Variants in CALU observed in about 807,000 individuals in gnomAD.
The protein encoded by CALU is IEF SSP 9302.
CALU carries 13 observed loss-of-function variants against 37.5 expected under a neutral mutation model. The observed-to-expected ratio is 0.35, with a 90% CI of 0.23 to 0.55. CALU has a LOEUF of 0.55. Ranked by LOEUF, CALU falls within the 20% of genes least tolerant of loss-of-function variation. The pLI is 0.89. For missense variants in CALU, 282 were observed against 391.7 expected (o/e 0.72, Z 2.36); for synonymous variants, 114 against 133.8 (o/e 0.85, Z 1.02).
intron 5 of CALU, among the ~76,000 whole-genome samples, chr7:128,763,239 ATAGAAATTCGGCC>A (rs1801192939): frequency 6.6e-6 from 1 of 152,204 alleles, no homozygotes; most frequent in Non-Finnish European, 1.5e-5. Flanking sequence ...TCTTTTAAAA[ATAGAAATTCGGCC>A]GAGCATGGTG....
At chr7:128,757,343 C>T (rs935513237) in intron 3 of CALU, among the ~76,000 whole-genome samples, 1 of 146,716 alleles carries the variant, frequency 6.8e-6, no homozygotes, top group African/African-American at 2.6e-5. Context: ...TCCATCTCAA[C>T]CTATTATGGC....
intron 2 of CALU, among the ~76,000 whole-genome samples, chr7:128,753,188 A>C (rs2128879708): frequency 6.6e-6 from 1 of 152,348 alleles, no homozygotes; most frequent in South Asian, 2.1e-4. Context: ...TGTATTCATG[A>C]AATGAACACA....
chr7:128,772,625 T>C lies in CALU; in HGVS notation c.*3458T>C. 1 of 1,614,144 alleles carries C rather than the reference T, an allele frequency of 6.2e-7. No individual in the cohort carries two copies. Among genetic ancestry groups the C allele is most frequent in the African/African-American group, 1.3e-5 (1 of 75,030 alleles). ...TGTGTCGGATTCATCTGTCATGGCC[T>C]TCCCACACACCATCTTCATGATGCA... On this transcript the variant is annotated 3_prime_UTR_variant, in exon 7 of 7. Transcript: ENST00000249364.
In CALU at chr7:128,768,231, G is replaced by C. The variant is rs115483677; in HGVS notation, c.843+576G>C. On this transcript the variant is annotated intron_variant, in intron 6 of 6. Transcript: ENST00000249364. ...GGAGTAAGCTGAAAATCGGTCTAAAGATGGAGATTTTCAGTGTTCTGAGTA... is the reference window on the plus strand; with the variant it reads ...GGAGTAAGCTGAAAATCGGTCTAAACATGGAGATTTTCAGTGTTCTGAGTA... Among the ~76,000 whole-genome samples, 734 of 152,196 alleles carry C rather than the reference G, an allele frequency of 4.8e-3. 8 individuals are homozygous for C. Among genetic ancestry groups the C allele is most frequent in the African/African-American group, 0.017 (701 of 41,532 alleles).
rs142462006 is a variant in CALU at position 128,749,203 on chromosome 7, C to T, written c.221+399C>T. On this transcript the variant is annotated intron_variant, in intron 2 of 6. Transcript: ENST00000249364. ...GCCAAGTCTTTGATGGGCTAATAAA[C>T]GGCACATTGGATCCCTATAAAGTTT... 1.8e-3 allele frequency among the ~76,000 whole-genome samples: 275 copies of T among 152,314 alleles called. 1 individual carries two copies. The highest frequency in any genetic ancestry group is 6.4e-3 in the African/African-American group (265 of 41,568).
In CALU at chr7:128,754,449, G is replaced by A. The variant is rs139447748; in HGVS notation, c.409G>A (p.Val137Ile). ...EEYKNATYGYVLDDPDPDDGF... is the reference protein window; with the variant it reads ...EEYKNATYGYILDDPDPDDGF... The stretch of plus-strand genomic sequence containing the variant: ...GTATAAAAATGCCACCTACGGCTAC[G>A]TTTTAGGTAGGTCCCTACTGTCTGG... Residue 137 changes from valine to isoleucine, a missense_variant, in exon 3 of 7, where the codon GTT becomes ATT. By Grantham distance (29) the Val-to-Ile change is conservative (BLOSUM62 3). Transcript: ENST00000249364. 14 of 1,612,564 alleles carry A rather than the reference G, an allele frequency of 8.7e-6. No homozygotes were observed. Among genetic ancestry groups the A allele is most frequent in the African/African-American group, 2.7e-5 (2 of 74,826 alleles).
At chr7:128,762,599 G>A (rs1031568185) in intron 5 of CALU, among the ~76,000 whole-genome samples, 4 of 151,144 alleles carry the variant, frequency 2.6e-5, no homozygotes, top group African/African-American at 7.3e-5. Flanking sequence ...ACCCAAAGTT[G>A]TGCTGATAAT....
In CALU at chr7:128,772,054, GT is replaced by G. The variant is rs201424020; in HGVS notation, c.*2895del. ...TCAAACTCATATTTGGGGCCACTGAGTTTTTTTTGTTTTTTTTTTTGTTTTG... is the reference window on the plus strand; with the variant it reads ...TCAAACTCATATTTGGGGCCACTGAGTTTTTTTGTTTTTTTTTTTGTTTTG... On this transcript the variant is annotated 3_prime_UTR_variant, in exon 7 of 7. Transcript: ENST00000249364. 1.8e-5 allele frequency among the ~76,000 whole-genome samples: 2 copies of G among 110,290 alleles called. No homozygotes were observed. Among genetic ancestry groups the G allele is most frequent in the African/African-American group, 3.5e-5 (1 of 28,894 alleles). 72.4% of individuals were successfully genotyped at this position (110,290 alleles called of 152,430 possible). A position where few individuals can be genotyped will look rare whatever the true frequency, so the allele number is the denominator to read the frequency against.
At chr7:128,767,971 C>T (rs928509753) in intron 6 of CALU, among the ~76,000 whole-genome samples, 5 of 151,584 alleles carry the variant, frequency 3.3e-5, no homozygotes, top group Non-Finnish European at 7.4e-5. Flanking sequence ...TTCTTTGTTA[C>T]TTCATTTGTT....
intron 5 of CALU, among the ~76,000 whole-genome samples, chr7:128,766,468 G>A (rs1348036442): frequency 8.2e-6 from 1 of 121,460 alleles, no homozygotes; most frequent in Non-Finnish European, 1.6e-5. Flanking sequence ...TTGCTCTGTC[G>A]CCCAGGCTAG....
intron 6 of CALU, among the ~76,000 whole-genome samples, chr7:128,768,589 A>T (rs1387308110): frequency 6.6e-6 from 1 of 152,218 alleles, no homozygotes; most frequent in Non-Finnish European, 1.5e-5. Flanking sequence ...CTGTAATCCC[A>T]GCACTTTGGG....
At position 128,773,027 on chromosome 7, in the gene CALU, G is replaced by A. The variant is rs1186555825; in HGVS notation, c.*3860G>A. ...TCAAATTAGTTTTGAGTCTACCTCT[G>A]GGATTGAGGAAACAATACCATCTGA... On this transcript the variant is annotated 3_prime_UTR_variant, in exon 7 of 7. Coordinates refer to ENST00000249364, the MANE Select transcript of CALU (RefSeq NM_001219.5). Among the ~76,000 whole-genome samples the A allele has an allele frequency of 1.3e-5, 2 of 152,196 alleles. No homozygotes were observed.
chr7:128,746,153 T>C (rs913476627), intron 1 of CALU, among the ~76,000 whole-genome samples: 3 of 151,620 alleles, frequency 2.0e-5, no homozygotes, highest in Non-Finnish European at 4.4e-5. Context: ...TGCATCTCGT[T>C]CTTTTTTTTT....
At chr7:128,745,705 A>G (rs532673421) in intron 1 of CALU, among the ~76,000 whole-genome samples, 1 of 152,272 alleles carries the variant, frequency 6.6e-6, no homozygotes, top group African/African-American at 2.4e-5. Flanking sequence ...TAAATCTCGG[A>G]TTTTCTGTTT....
intron 1 of CALU, among the ~76,000 whole-genome samples, chr7:128,744,226 A>G (rs925195368): frequency 6.6e-6 from 1 of 152,168 alleles, no homozygotes; most frequent in African/African-American, 2.4e-5. Context: ...AACGAAGTGC[A>G]CTAAAGTAGA....
At chr7:128,752,331 T>C (rs997893503) in intron 2 of CALU, among the ~76,000 whole-genome samples, 1 of 152,230 alleles carries the variant, frequency 6.6e-6, no homozygotes, top group East Asian at 1.9e-4. Context: ...TTGCATTGAA[T>C]AGAATGCTCT....
chr7:128,744,608 A>G (rs1391584768), intron 1 of CALU, among the ~76,000 whole-genome samples: 1 of 152,112 alleles, frequency 6.6e-6, no homozygotes, highest in Non-Finnish European at 1.5e-5. Context: ...TGGGTCCTTG[A>G]TGACCGTTGT....
rs1388671633 is a variant in CALU, at chr7:128,771,608, A to G, written c.*2441A>G. On this transcript the variant is annotated 3_prime_UTR_variant, in exon 7 of 7. Transcript: ENST00000249364. ...CAGAGACAGCACTGCCTTCTCCTAA[A>G]TGATTATTCTTTTCTCCCTGTTTTC... The G allele has an allele frequency of 6.6e-6, 1 of 152,418 alleles. No individual in the cohort carries two copies. Among genetic ancestry groups the G allele is most frequent in the Non-Finnish European group, 1.5e-5 (1 of 68,030 alleles). 9.4% of individuals were successfully genotyped at this position (152,418 alleles called of 1,614,324 possible).
rs188796148 is a variant in CALU at position 128,756,865 on chromosome 7, C to T, written c.416-2006C>T. 4.7e-4 allele frequency among the ~76,000 whole-genome samples: 71 copies of T among 152,158 alleles called. No homozygotes were observed. The East Asian group carries it at 9.8e-3, about 21-fold the overall frequency. On this transcript the variant is annotated intron_variant, in intron 3 of 6. Transcript: ENST00000249364. ...CCGAGGCAGAAAGGTTGCTTGAGTC[C>T]GGGAATTCGCGACCAGCCAGGGCAA...
Sources: allele counts gnomAD v4.1 joint callset (sites outside exome capture counted in the v4.1 genomes callset), GRCh38; gene constraint gnomAD v4.1.1; transcripts MANE v1.5; gene names NCBI Gene and HGNC (gene_info 2026-07-23, HGNC 2026-07-21).